PAK1: variants seen among roughly 807,000 people sequenced by gnomAD.
The protein encoded by PAK1 is serine/threonine-protein kinase PAK 1.
Under a neutral mutation model 67.4 loss-of-function variants are expected in PAK1, and 29 were observed. The ratio of observed to expected loss-of-function variants is 0.43; its 90% CI spans 0.32 to 0.59. PAK1 has a LOEUF of 0.59. Ranked by LOEUF, PAK1 falls within the 20% of genes least tolerant of loss-of-function variation. The pLI is 0.07. For missense variants in PAK1, 337 were observed against 670.7 expected, an observed-to-expected ratio of 0.50 and a Z score of 5.50; for synonymous variants, 223 against 237.4, an observed-to-expected ratio of 0.94 and a Z score of 0.56.
intron 1 of PAK1, among the ~76,000 whole-genome samples, chr11:77,436,216 A>G (rs1232816887): frequency 2.0e-5 from 3 of 152,218 alleles, no homozygotes; most frequent in Non-Finnish European, 4.4e-5. Flanking sequence ...CACTTACTCT[A>G]TGGTTGGAGG....
At chr11:77,479,284 G>A (rs988870171), upstream of PAK1, among the ~76,000 whole-genome samples, 4 of 152,136 alleles carry the variant, frequency 2.6e-5, no homozygotes, top group East Asian at 3.9e-4. Flanking sequence ...GCAGCCCTCC[G>A]ATGTCATGAT....
chr11:77,505,366 G>C, the PAK1 span, among the ~76,000 whole-genome samples: 1 of 151,878 alleles, frequency 6.6e-6, no homozygotes, highest in South Asian at 2.1e-4. Flanking sequence ...TTTTATATTC[G>C]TAGTAGAGAC....
chr11:77,418,981 G>T (rs1352738355), intron 1 of PAK1, among the ~76,000 whole-genome samples: 1 of 152,194 alleles, frequency 6.6e-6, no homozygotes, highest in Admixed American at 6.5e-5. Context: ...CAGCGGGAAG[G>T]ATCAAATTCA....
At chr11:77,323,952 C>T (rs1939018941) in intron 14 of PAK1, among the ~76,000 whole-genome samples, 2 of 152,158 alleles carry the variant, frequency 1.3e-5, no homozygotes, top group African/African-American at 4.8e-5. Context: ...TATCGCAATA[C>T]TGCATTTTAG....
intron 1 of PAK1, among the ~76,000 whole-genome samples, chr11:77,413,784 T>C (rs1166156847): frequency 1.3e-5 from 2 of 152,188 alleles, no homozygotes; most frequent in Non-Finnish European, 2.9e-5. Flanking sequence ...AGAATTGCTG[T>C]AGTCTGAGGA....
Position 77,466,012 on chromosome 11 carries a change from C to T in PAK1, c.-22+7540G>A, listed in dbSNP as rs1453170820. On this transcript the variant is annotated intron_variant, in intron 1 of 14. Transcript: ENST00000356341. ...AACAGGTAATTGGAGAACCAAGAGC[C>T]CCTCCAACTATACCAAGTCCCTCTT... 2.6e-5 allele frequency among the ~76,000 whole-genome samples: 4 copies of T among 151,982 alleles called. No homozygotes were observed. The East Asian group carries it at 5.8e-4, about 22-fold the overall frequency.
chr11:77,458,141 G>A (rs935890829), intron 1 of PAK1, among the ~76,000 whole-genome samples: 21 of 152,280 alleles, frequency 1.4e-4, no homozygotes, highest in African/African-American at 5.1e-4. Flanking sequence ...TAACTGACAA[G>A]GGACCAAAAT....
chr11:77,379,870 A>C (rs1440487214), intron 3 of PAK1, 24 bp downstream of exon 3: 1 of 1,489,196 alleles, frequency 6.7e-7, no homozygotes, highest in Non-Finnish European at 9.3e-7. Context: ...AAGACTAAAG[A>C]CCTTTCTGTG....
chr11:77,365,859 A>T (rs1947501204), intron 5 of PAK1, among the ~76,000 whole-genome samples: 1 of 149,040 alleles, frequency 6.7e-6, no homozygotes, highest in South Asian at 2.1e-4. Flanking sequence ...AAAAAAAAAA[A>T]TAACACCTAA....
intron 1 of PAK1, among the ~76,000 whole-genome samples, chr11:77,403,849 G>C (rs992884310): frequency 3.3e-5 from 5 of 152,318 alleles, no homozygotes; most frequent in Admixed American, 6.5e-5. Context: ...AATCCTCACT[G>C]CAAGTGTTGA....
At chr11:77,465,651 T>C (rs1295329937) in intron 1 of PAK1, among the ~76,000 whole-genome samples, 2 of 151,862 alleles carry the variant, frequency 1.3e-5, no homozygotes, top group East Asian at 3.9e-4. Flanking sequence ...AGAAAATAAG[T>C]GGGAGGGAAT....
rs987833489 is a variant in PAK1, at chr11:77,322,040, G to T, written c.*1234C>A. ...TAGAATATTTTCATCTCCTTTTATTGACAGAAATAGAAATTTGTGCTGCAG... is the reference window on the plus strand; with the variant it reads ...TAGAATATTTTCATCTCCTTTTATTTACAGAAATAGAAATTTGTGCTGCAG... On this transcript the variant is annotated 3_prime_UTR_variant, in exon 15 of 15. Transcript: ENST00000356341. 5.8e-5 allele frequency: 12 copies of T among 207,672 alleles called. No homozygotes were observed. Among genetic ancestry groups the T allele is most frequent in the African/African-American group, 2.7e-4 (12 of 43,868 alleles). 12.9% of individuals were successfully genotyped at this position (207,672 alleles called of 1,614,324 possible). A position where few individuals can be genotyped will look rare whatever the true frequency, so the allele number is the denominator to read the frequency against.
the PAK1 span, among the ~76,000 whole-genome samples, chr11:77,501,611 G>A: frequency 6.6e-6 from 1 of 152,196 alleles, no homozygotes; most frequent in Non-Finnish European, 1.5e-5. Context: ...CTGATGCTCA[G>A]GGACAGGCTT....
intron 1 of PAK1, among the ~76,000 whole-genome samples, chr11:77,400,535 T>C (rs1952540868): frequency 6.6e-6 from 1 of 152,224 alleles, no homozygotes; most frequent in African/African-American, 2.4e-5. Context: ...CTTGAGTTCA[T>C]ACAATGGGAT....
intron 5 of PAK1, among the ~76,000 whole-genome samples, chr11:77,367,851 G>A (rs149972654): frequency 1.1e-4 from 16 of 152,164 alleles, no homozygotes; most frequent in African/African-American, 3.6e-4. Context: ...ATGGTGGTGC[G>A]TGCCTGCAGT....
chr11:77,488,755 A>C, the PAK1 span, among the ~76,000 whole-genome samples: 1 of 152,116 alleles, frequency 6.6e-6, no homozygotes, highest in East Asian at 1.9e-4. Flanking sequence ...AGGAGACAAA[A>C]GAAAAAAGAA....
chr11:77,466,419 C>T (rs1381200121), intron 1 of PAK1, among the ~76,000 whole-genome samples: 2 of 152,000 alleles, frequency 1.3e-5, no homozygotes, highest in South Asian at 2.1e-4. Flanking sequence ...CTGGCTAACA[C>T]GGTGAAACCC....
chr11:77,446,310 G>C (rs1166647947), intron 1 of PAK1, among the ~76,000 whole-genome samples: 1 of 151,994 alleles, frequency 6.6e-6, no homozygotes, highest in African/African-American at 2.4e-5. Flanking sequence ...CCAGGAGTTC[G>C]AGACCAGCCT....
intron 5 of PAK1, among the ~76,000 whole-genome samples, chr11:77,364,452 AAAAC>A (rs1338330210): frequency 3.9e-5 from 6 of 152,188 alleles, no homozygotes; most frequent in South Asian, 2.1e-4. Context: ...AACCACCACA[AAAAC>A]AAACAAAAAA....
Sources: gnomAD v4.1 joint callset for allele counts (sites outside exome capture counted in the v4.1 genomes callset) on GRCh38, gnomAD v4.1.1 for gene constraint, MANE v1.5 for transcripts, NCBI Gene and HGNC (gene_info 2026-07-23, HGNC 2026-07-21) for gene names.